The following CDH13 variants were observed in gnomAD, a reference collection of about 807,000 sequenced individuals.
CDH13 encodes the protein cadherin 13.
CDH13 carries 24 observed loss-of-function variants against 63.8 expected under a neutral mutation model. That is an observed-to-expected ratio of 0.38 (90% CI 0.27 to 0.53). The LOEUF (loss-of-function observed/expected upper bound fraction) is 0.53, where lower values mean the gene tolerates loss of function less well. CDH13 is among the 20% of genes least tolerant of loss of function. The probability of loss-of-function intolerance (pLI) is 0.85; values close to 1 mark genes in which losing one functional copy is unlikely to be tolerated. For missense variants in CDH13, 1,049 were observed against 903.1 expected (o/e 1.16, Z -2.07); for synonymous variants, 503 against 355.3 (o/e 1.42, Z -4.67).
At chr16:83,365,126 A>C (rs1567619373) in intron 6 of CDH13, among the ~76,000 whole-genome samples, 1 of 152,240 alleles carries the variant, frequency 6.6e-6, no homozygotes. Flanking sequence ...TGACATCTGC[A>C]GTCAGTAGCT....
chr16:82,933,729 C>T (rs565203506), intron 2 of CDH13, among the ~76,000 whole-genome samples: 1 of 152,180 alleles, frequency 6.6e-6, no homozygotes, highest in Non-Finnish European at 1.5e-5. Context: ...GGTAAATATG[C>T]TCATTCCAAA....
intron 8 of CDH13, among the ~76,000 whole-genome samples, chr16:83,621,300 C>G (rs1909789589): frequency 2.0e-5 from 3 of 152,060 alleles, no homozygotes; most frequent in Non-Finnish European, 1.5e-5. Context: ...GGGGTCAGCT[C>G]TGTAGGATTC....
intron 6 of CDH13, among the ~76,000 whole-genome samples, chr16:83,352,754 G>A (rs1233484896): frequency 2.0e-5 from 3 of 152,218 alleles, no homozygotes; most frequent in African/African-American, 7.2e-5. Flanking sequence ...GCCAGGTGCT[G>A]TGGCAGGCAC....
At chr16:83,307,496 C>G (rs1278419697) in intron 5 of CDH13, among the ~76,000 whole-genome samples, 1 of 152,122 alleles carries the variant, frequency 6.6e-6, no homozygotes, top group East Asian at 1.9e-4. Context: ...TGAAGTAGCT[C>G]TCACCTCACA....
rs183190659 is a variant in CDH13 at position 83,777,984 on chromosome 16, T to C, written c.1682-1984T>C. Among the ~76,000 whole-genome samples the C allele has an allele frequency of 1.4e-4, 21 of 152,326 alleles. No homozygotes were observed. The East Asian group carries it at 4.0e-3, about 29-fold the overall frequency. Reference sequence around the variant, plus strand: ...CTTAGCCAAGAGGCCAAGAAACGATTGTACTACTGTATAAAATTATGGTGC... The same window carrying C: ...CTTAGCCAAGAGGCCAAGAAACGATCGTACTACTGTATAAAATTATGGTGC... On this transcript the variant is annotated intron_variant, in intron 11 of 13. Transcript: ENST00000567109.
chr16:82,855,581 A>G (rs1418021025), intron 1 of CDH13, among the ~76,000 whole-genome samples: 1 of 152,204 alleles, frequency 6.6e-6, no homozygotes, highest in Non-Finnish European at 1.5e-5. Context: ...TGACTCCTGG[A>G]TCTGCATCCT....
intron 7 of CDH13, among the ~76,000 whole-genome samples, chr16:83,508,100 G>GGAAGGAAGGAAGGAAGGAAGGAAGGA (rs1567722270): frequency 1.3e-4 from 8 of 59,666 alleles, no homozygotes; most frequent in African/African-American, 5.0e-4. Flanking sequence ...AGGAAGGAAA[G>GGAAGGAAGGAAGGAAGGAAGGAAGGA]AAGGAAGGAA....
At chr16:83,665,696 T>C (rs748152987) in intron 8 of CDH13, among the ~76,000 whole-genome samples, 4 of 152,238 alleles carry the variant, frequency 2.6e-5, no homozygotes, top group Non-Finnish European at 4.4e-5. Flanking sequence ...AGGTCAAACA[T>C]GCAACTAGTC....
intron 3 of CDH13, among the ~76,000 whole-genome samples, chr16:83,100,778 T>C (rs899563898): frequency 3.3e-5 from 5 of 152,184 alleles, no homozygotes; most frequent in African/African-American, 4.8e-5. Flanking sequence ...CCCCTTAGGG[T>C]ATACACTTGC....
intron 7 of CDH13, among the ~76,000 whole-genome samples, chr16:83,549,975 A>G (rs151002933): frequency 1.3e-5 from 2 of 152,182 alleles, no homozygotes; most frequent in East Asian, 1.9e-4. Context: ...GATCGTTCAT[A>G]TAGAAAGGAG....
At chr16:83,414,122 C>A (rs1211354665) in intron 6 of CDH13, among the ~76,000 whole-genome samples, 1 of 152,208 alleles carries the variant, frequency 6.6e-6, no homozygotes, top group Non-Finnish European at 1.5e-5. Context: ...TAGAAGTACT[C>A]TCTGAAAAGG....
chr16:83,424,848 C>T (rs557989328), intron 6 of CDH13, among the ~76,000 whole-genome samples: 1 of 152,252 alleles, frequency 6.6e-6, no homozygotes, highest in Non-Finnish European at 1.5e-5. Context: ...GCAGCTTGTG[C>T]ACTCTCCCTT....
At chr16:83,254,016 G>A (rs1238035256) in intron 5 of CDH13, among the ~76,000 whole-genome samples, 1 of 152,212 alleles carries the variant, frequency 6.6e-6, no homozygotes, top group Non-Finnish European at 1.5e-5. Context: ...CCAAGAGAAT[G>A]TCTTGCTCCT....
intron 6 of CDH13, among the ~76,000 whole-genome samples, chr16:83,464,142 C>T (rs1390556481): frequency 6.6e-6 from 1 of 152,058 alleles, no homozygotes; most frequent in Non-Finnish European, 1.5e-5. Context: ...GGTGTGATCT[C>T]AGCTCACTGC....
chr16:83,181,984 G>A (rs2038363048), intron 4 of CDH13, among the ~76,000 whole-genome samples: 2 of 152,130 alleles, frequency 1.3e-5, no homozygotes, highest in Admixed American at 1.3e-4. Context: ...CACAGAAGCT[G>A]GATTCCCCTC....
At chr16:83,654,002 A>G (rs1466140077) in intron 8 of CDH13, among the ~76,000 whole-genome samples, 1 of 152,190 alleles carries the variant, frequency 6.6e-6, no homozygotes, top group African/African-American at 2.4e-5. Flanking sequence ...TGGGGGAATT[A>G]ACATACTGAC....
intron 4 of CDH13, among the ~76,000 whole-genome samples, chr16:83,152,339 C>G (rs1013794342): frequency 6.6e-6 from 1 of 152,088 alleles, no homozygotes; most frequent in African/African-American, 2.4e-5. Flanking sequence ...AAAATCTATT[C>G]TCAAATAATT....
At chr16:83,132,800 A>G (rs2036117760) in intron 4 of CDH13, among the ~76,000 whole-genome samples, 1 of 152,184 alleles carries the variant, frequency 6.6e-6, no homozygotes, top group South Asian at 2.1e-4. Flanking sequence ...TAGGAGAAAA[A>G]TTGGAATACA....
At position 83,797,181 on chromosome 16, in the gene CDH13, G is replaced by T. The variant is rs1165856293; in HGVS notation, c.*2151G>T. 1 of 152,240 alleles carries T rather than the reference G, an allele frequency of 6.6e-6. No individual in the cohort carries two copies. Among genetic ancestry groups the T allele is most frequent in the Non-Finnish European group, 1.5e-5 (1 of 68,046 alleles). The allele number at this position is 152,240 out of a possible 1,614,324, so 9.4% of individuals were successfully genotyped here. On this transcript the variant is annotated 3_prime_UTR_variant, in exon 14 of 14. Transcript: ENST00000567109. Reference sequence around the variant, plus strand: ...AACAAAGAGCATCCTCAGCCAGTCAGGCGGCTGGTAGCCGGACACATATGC... The same window carrying T: ...AACAAAGAGCATCCTCAGCCAGTCATGCGGCTGGTAGCCGGACACATATGC...
Sources: gnomAD v4.1 joint callset for allele counts (sites outside exome capture counted in the v4.1 genomes callset) on GRCh38, gnomAD v4.1.1 for gene constraint, MANE v1.5 for transcripts, NCBI Gene and HGNC (gene_info 2026-07-23, HGNC 2026-07-21) for gene names.